Variants in NOD1 observed in about 807,000 individuals in gnomAD.
NOD1 encodes nucleotide-binding oligomerization domain-containing protein 1.
A neutral mutation model predicts 81.2 loss-of-function variants in NOD1; 70 were observed. The ratio of observed to expected loss-of-function variants is 0.86; its 90% CI spans 0.71 to 1.05. The LOEUF (loss-of-function observed/expected upper bound fraction) is 1.05. NOD1 is among the 50% of genes least tolerant of loss of function. NOD1 has a pLI of 0.00. For synonymous variants in NOD1, 508 were observed against 526.9 expected, an observed-to-expected ratio of 0.96 and a Z score of 0.49; for missense variants, 1,233 against 1,228.0, an observed-to-expected ratio of 1.00 and a Z score of -0.06.
chr7:30,465,496 C>T (rs561126784), intron 1 of NOD1, among the ~76,000 whole-genome samples: 29 of 152,282 alleles, frequency 1.9e-4, no homozygotes, highest in Non-Finnish European at 2.6e-4. Context: ...TGACTATGAG[C>T]GCCTTCCTCC....
Position 30,452,176 on chromosome 7 carries a change from A to G in NOD1, c.1241T>C (p.Leu414Pro), listed in dbSNP as rs1191527616. ...TGTCAGGGTCATCGTGCAGTCGGGCAGCTGTGGTGAGCCTTCAAAGGCAGC... is the reference window on the plus strand; with the variant it reads ...TGTCAGGGTCATCGTGCAGTCGGGCGGCTGTGGTGAGCCTTCAAAGGCAGC... ...FRAAFEGSPQ[L>P]PDCTMTLTDV... The change falls in exon 6 of 14, where the codon CTG becomes CCG. Residue 414 changes from leucine to proline, a missense_variant. By Grantham distance (98) the Leu-to-Pro change is moderately conservative. Coordinates refer to ENST00000222823, the MANE Select transcript of NOD1 (RefSeq NM_006092.4). 1.9e-6 allele frequency: 3 copies of G among 1,613,982 alleles called. No individual in the cohort carries two copies. The East Asian group carries it at 6.7e-5, about 36-fold the overall frequency.
intron 1 of NOD1, among the ~76,000 whole-genome samples, chr7:30,462,189 C>T (rs1011315898): frequency 2.6e-5 from 4 of 152,238 alleles, no homozygotes; most frequent in Non-Finnish European, 4.4e-5. Flanking sequence ...ATTCTCTTCA[C>T]TGCTGCATAC....
chr7:30,472,218 T>C (rs1229067569), intron 1 of NOD1, among the ~76,000 whole-genome samples: 3 of 152,232 alleles, frequency 2.0e-5, no homozygotes, highest in Non-Finnish European at 4.4e-5. Context: ...CAGGAGGCCC[T>C]ACTTGGCCTG....
At chr7:30,477,607 C>G (rs962959868) in intron 1 of NOD1, among the ~76,000 whole-genome samples, 1 of 152,130 alleles carries the variant, frequency 6.6e-6, no homozygotes, top group Non-Finnish European at 1.5e-5. Context: ...CTCTGCCTCC[C>G]GGGTTCAAGC....
intron 1 of NOD1, among the ~76,000 whole-genome samples, chr7:30,469,491 C>T (rs1788050783): frequency 6.6e-6 from 1 of 152,170 alleles, no homozygotes; most frequent in Admixed American, 6.5e-5. Flanking sequence ...CACTGCCATC[C>T]TGCCTACAAA....
chr7:30,465,951 C>A (rs75292461), intron 1 of NOD1, among the ~76,000 whole-genome samples: 1 of 152,256 alleles, frequency 6.6e-6, no homozygotes, highest in Non-Finnish European at 1.5e-5. Context: ...TCATATGGAA[C>A]CTGGCCCAGT....
At chr7:30,469,536 G>A (rs1447599830) in intron 1 of NOD1, among the ~76,000 whole-genome samples, 2 of 152,174 alleles carry the variant, frequency 1.3e-5, no homozygotes, top group Admixed American at 6.5e-5. Flanking sequence ...GTCAGCATTC[G>A]GGGTGGGACC....
intron 4 of NOD1, among the ~76,000 whole-genome samples, chr7:30,456,168 G>C (rs529603835): frequency 6.6e-6 from 1 of 152,224 alleles, no homozygotes; most frequent in African/African-American, 2.4e-5. Flanking sequence ...TCATAAATGA[G>C]TTGTGTCATT....
In NOD1 at chr7:30,456,734, G is replaced by A; in HGVS notation, c.188C>T (p.Thr63Ile). 1 of 1,613,976 alleles carries A rather than the reference G, an allele frequency of 6.2e-7. No individual in the cohort carries two copies. Among genetic ancestry groups the A allele is most frequent in the African/African-American group, 1.3e-5 (1 of 75,042 alleles). ...EDAEIVCACP[T>I]QPDKVRKILD... ...TCCCCGGGGCACCTTGTCAGGCTGG[G>A]TGGGGCAGGCACACACAATCTCCGC... The change falls in exon 4 of 14, where the codon ACC becomes ATC. Residue 63 changes from threonine to isoleucine, a missense_variant. Physicochemically the swap from Thr to Ile is moderately conservative, Grantham distance 89. Transcript: ENST00000222823.
intron 1 of NOD1, among the ~76,000 whole-genome samples, chr7:30,468,564 C>T (rs1265043586): frequency 6.6e-6 from 1 of 152,192 alleles, no homozygotes; most frequent in Non-Finnish European, 1.5e-5. Context: ...TGCCCACCAC[C>T]ATCCTGGACA....
intron 7 of NOD1, 176 bp downstream of exon 7, chr7:30,448,122 G>T: frequency 1.6e-6 from 1 of 606,484 alleles, no homozygotes; most frequent in Non-Finnish European, 3.0e-6. Context: ...GGCTCAGCAA[G>T]ACTTCATGAC....
chr7:30,437,780 T>C (rs991090023), intron 9 of NOD1, 124 bp from the exon 10 acceptor site: 3 of 635,356 alleles, frequency 4.7e-6, no homozygotes, highest in Admixed American at 4.1e-5. Flanking sequence ...GCCCAGTCCC[T>C]GGATCTGTGG....
In NOD1 at chr7:30,453,030, A is replaced by G; in HGVS notation, c.387T>C (p.Tyr129=). Residue 129 remains tyrosine (Y), a synonymous_variant, in exon 6 of 14, where the codon TAT becomes TAC. Coordinates refer to ENST00000222823, the MANE Select transcript of NOD1 (RefSeq NM_006092.4). ...VVVNTDPVSR[Y]TQQLRHHLGR... The stretch of plus-strand genomic sequence containing the variant: ...CCAGATGGTGTCGCAGCTGCTGGGT[A>G]TACCTGCTCACTGGAGGGAGGGGGT... 1 of 1,603,014 alleles carries G rather than the reference A, an allele frequency of 6.2e-7. No individual in the cohort carries two copies. Among genetic ancestry groups the G allele is most frequent in the Non-Finnish European group, 8.5e-7 (1 of 1,172,504 alleles).
At position 30,471,667 on chromosome 7, in the gene NOD1, G is replaced by T. The variant is rs866647496; in HGVS notation, c.-352+6939C>A. On this transcript the variant is annotated intron_variant, in intron 1 of 13. Transcript: ENST00000222823. ...TAGGCGGAGCAGAACAGACTAGCGT[G>T]AAAAACTGACAGCCCTTCCCATAGC... 2.6e-5 allele frequency among the ~76,000 whole-genome samples: 4 copies of T among 152,252 alleles called. No individual in the cohort carries two copies. In the South Asian group the frequency reaches 8.3e-4, roughly 31 times the overall value.
chr7:30,457,905 A>C (rs978271406), intron 3 of NOD1, among the ~76,000 whole-genome samples: 3 of 152,186 alleles, frequency 2.0e-5, no homozygotes, highest in African/African-American at 7.2e-5. Context: ...GACCTTCAGC[A>C]AAGTCTGTTA....
At chr7:30,437,191 A>C (rs541015126) in intron 10 of NOD1, among the ~76,000 whole-genome samples, 1 of 150,144 alleles carries the variant, frequency 6.7e-6, no homozygotes, top group Non-Finnish European at 1.5e-5. Flanking sequence ...ACATGGACAC[A>C]TGGAGGGGAA....
At chr7:30,448,678 C>G (rs891950232) in intron 6 of NOD1, among the ~76,000 whole-genome samples, 1 of 152,214 alleles carries the variant, frequency 6.6e-6, no homozygotes, top group African/African-American at 2.4e-5. Flanking sequence ...GACATCCACC[C>G]TTTGCGTGTG....
intron 1 of NOD1, among the ~76,000 whole-genome samples, chr7:30,463,087 G>A (rs1787303088): frequency 6.6e-6 from 1 of 152,030 alleles, no homozygotes; most frequent in South Asian, 2.1e-4. Flanking sequence ...AAATTTCTGG[G>A]GAGATAGAAA....
chr7:30,470,235 A>G (rs2128103252), intron 1 of NOD1, among the ~76,000 whole-genome samples: 1 of 152,354 alleles, frequency 6.6e-6, no homozygotes, highest in African/African-American at 2.4e-5. Context: ...CTCTGTGAGC[A>G]TGCAGTGAGT....
Sources: allele counts gnomAD v4.1 joint callset (sites outside exome capture counted in the v4.1 genomes callset), GRCh38; gene constraint gnomAD v4.1.1; transcripts MANE v1.5; gene names NCBI Gene and HGNC (gene_info 2026-07-23, HGNC 2026-07-21).